DMD: variants seen among roughly 807,000 people sequenced by gnomAD.
DMD encodes dystrophin, also known as mutant dystrophin.
In DMD, 63 loss-of-function variants were observed where a neutral mutation model predicts 330.1. That is an observed-to-expected ratio of 0.19 (90% CI 0.16 to 0.24). The LOEUF (loss-of-function observed/expected upper bound fraction) is 0.24. DMD is among the 10% of genes least tolerant of loss of function. The pLI is 1.00. For missense variants in DMD, 3,344 were observed against 2,684.1 expected (o/e 1.25, Z -5.43); for synonymous variants, 1,223 against 959.8 (o/e 1.27, Z -5.07).
chrX:32,597,077 CA>C (rs1161994385), intron 12 of DMD, among the ~76,000 whole-genome samples: 1 of 111,523 alleles, frequency 9.0e-6, no homozygotes, highest in African/African-American at 3.3e-5. Context: ...GTCTCTCTTC[CA>C]AAAATGTGTC....
At chrX:32,579,395 T>A (rs2149173083) in intron 13 of DMD, among the ~76,000 whole-genome samples, 1 of 112,281 alleles carries the variant, frequency 8.9e-6, no homozygotes, top group Non-Finnish European at 1.9e-5. Context: ...ACAGATAGGT[T>A]AAGTAACTTG....
At chrX:31,569,641 T>TGTATATACGTATATATAC (rs1400124235) in intron 55 of DMD, among the ~76,000 whole-genome samples, 3 of 82,848 alleles carry the variant, frequency 3.6e-5, no homozygotes, top group Admixed American at 1.3e-4. Context: ...CGTATATATA[T>TGTATATACGTATATATAC]GTATATACGT....
chrX:32,892,455 G>T (rs1022401856), intron 2 of DMD, among the ~76,000 whole-genome samples: 2 of 111,967 alleles, frequency 1.8e-5, no homozygotes, highest in African/African-American at 6.5e-5. Context: ...GCGCAACGGT[G>T]CGATCTCGGC....
intron 16 of DMD, among the ~76,000 whole-genome samples, chrX:32,552,407 T>C (rs145912388): frequency 0.036 from 3,988 of 111,232 alleles, 179 homozygotes; most frequent in African/African-American, 0.12. Flanking sequence ...CCTTACACCA[T>C]ATACAAAAAT....
At chrX:32,877,156 A>T (rs2083445347) in intron 2 of DMD, among the ~76,000 whole-genome samples, 1 of 111,978 alleles carries the variant, frequency 8.9e-6, no homozygotes, top group Non-Finnish European at 1.9e-5. Flanking sequence ...ACAAAGAAGT[A>T]TCATTACAAA....
intron 50 of DMD, among the ~76,000 whole-genome samples, chrX:31,779,998 AG>A (rs765341011): frequency 9.0e-6 from 1 of 111,513 alleles, no homozygotes; most frequent in Non-Finnish European, 1.9e-5. Flanking sequence ...GTTAATTAAA[AG>A]GTGTTGGCTT....
chrX:32,467,327 C>G (rs926157434), intron 23 of DMD, among the ~76,000 whole-genome samples: 1 of 110,778 alleles, frequency 9.0e-6, no homozygotes, highest in East Asian at 2.8e-4. Flanking sequence ...ACATTACTTA[C>G]CTTATTGAAT....
At chrX:32,328,503 C>T (rs1454070332) in intron 41 of DMD, among the ~76,000 whole-genome samples, 1 of 111,085 alleles carries the variant, frequency 9.0e-6, no homozygotes, top group Non-Finnish European at 1.9e-5. Flanking sequence ...TGTTATGGGG[C>T]CAGTACTGCT....
intron 34 of DMD, among the ~76,000 whole-genome samples, chrX:32,374,088 C>A (rs766764922): frequency 4.5e-5 from 5 of 111,272 alleles, no homozygotes; most frequent in Non-Finnish European, 9.4e-5. Context: ...TGCTCATTGG[C>A]CGCTTGTATG....
intron 17 of DMD, among the ~76,000 whole-genome samples, chrX:32,528,088 C>G (rs2034505609): frequency 8.9e-6 from 1 of 111,953 alleles, no homozygotes. Flanking sequence ...GCGGGCAGTT[C>G]ACTTGAGGTC....
At chrX:32,600,583 C>T (rs1294617846) in intron 12 of DMD, among the ~76,000 whole-genome samples, 1 of 74,008 alleles carries the variant, frequency 1.4e-5, no homozygotes, top group Non-Finnish European at 2.3e-5. Context: ...GTCACACACA[C>T]ACAAACACGC....
intron 28 of DMD, 134 bp from the exon 29 acceptor site, chrX:32,438,524 T>A: frequency 1.3e-6 from 1 of 760,788 alleles, no homozygotes; most frequent in Non-Finnish European, 1.9e-6. Flanking sequence ...TAATTGGGAT[T>A]AAAAACACCA....
At chrX:32,590,737 G>A (rs1396800432) in intron 13 of DMD, among the ~76,000 whole-genome samples, 2 of 111,170 alleles carry the variant, frequency 1.8e-5, no homozygotes, top group African/African-American at 3.3e-5. Flanking sequence ...TAAGGCCTTT[G>A]GCCTCACACT....
At chrX:32,777,017 C>A (rs1603404431) in intron 7 of DMD, among the ~76,000 whole-genome samples, 1 of 108,517 alleles carries the variant, frequency 9.2e-6, no homozygotes, top group Admixed American at 9.8e-5. Flanking sequence ...AAAGTATATC[C>A]AGTTTTATAG....
At chrX:31,288,260 G>A (rs181658472) in intron 62 of DMD, among the ~76,000 whole-genome samples, 1 of 111,697 alleles carries the variant, frequency 9.0e-6, no homozygotes, top group Non-Finnish European at 1.9e-5. Context: ...AAAAGAACAC[G>A]CCAGTATTTT....
At chrX:32,434,734 GA>G (rs2098252652) in intron 29 of DMD, among the ~76,000 whole-genome samples, 2 of 111,770 alleles carry the variant, frequency 1.8e-5, no homozygotes. Context: ...TAAGTAGTTT[GA>G]AATTGATCAA....
At chrX:33,261,527 A>C (rs2148904954) in intron 1 of DMD, among the ~76,000 whole-genome samples, 1 of 109,473 alleles carries the variant, frequency 9.1e-6, no homozygotes, top group South Asian at 3.9e-4. Flanking sequence ...AAGTTCACCC[A>C]GCAATCATTC....
intron 1 of DMD, among the ~76,000 whole-genome samples, chrX:33,255,872 A>G (rs1380196472): frequency 8.9e-6 from 1 of 111,801 alleles, no homozygotes; most frequent in African/African-American, 3.2e-5. Context: ...CTGTTACAAA[A>G]GTGGTTGGAT....
At chrX:32,764,782 A>G (rs951679912) in intron 7 of DMD, among the ~76,000 whole-genome samples, 2 of 111,179 alleles carry the variant, frequency 1.8e-5, no homozygotes, top group Admixed American at 9.6e-5. Context: ...CCTTTTTTCA[A>G]TTCTTTTGAG....
Sources: gnomAD v4.1 joint callset for allele counts (sites outside exome capture counted in the v4.1 genomes callset) on GRCh38, gnomAD v4.1.1 for gene constraint, MANE v1.5 for transcripts, NCBI Gene and HGNC (gene_info 2026-07-23, HGNC 2026-07-21) for gene names.